Variants in CLSTN2 observed in about 807,000 individuals in gnomAD.
The protein encoded by CLSTN2 is calsyntenin-2.
CLSTN2 carries 48 observed loss-of-function variants against 101.2 expected under a neutral mutation model. The ratio of observed to expected loss-of-function variants is 0.47; its 90% CI spans 0.38 to 0.60. The LOEUF is 0.60. Ranked by LOEUF, CLSTN2 falls within the 20% of genes least tolerant of loss-of-function variation. The pLI is 0.00. For missense variants in CLSTN2, 1,160 were observed against 1,238.2 expected (o/e 0.94, Z 0.95); for synonymous variants, 481 against 463.6 (o/e 1.04, Z -0.48).
chr3:140,335,991 AC>A (rs1474947099), intron 2 of CLSTN2, among the ~76,000 whole-genome samples: 1 of 152,232 alleles, frequency 6.6e-6, no homozygotes, highest in African/African-American at 2.4e-5. Context: ...TAAACTAGAC[AC>A]CAGAAAATTG....
intron 1 of CLSTN2, among the ~76,000 whole-genome samples, chr3:140,102,376 C>T (rs932526915): frequency 2.6e-5 from 4 of 152,218 alleles, no homozygotes; most frequent in African/African-American, 9.6e-5. Flanking sequence ...TGTGCTCAGA[C>T]ATTATTTCAG....
intron 7 of CLSTN2, among the ~76,000 whole-genome samples, chr3:140,464,958 G>A (rs540977633): frequency 2.8e-4 from 42 of 152,310 alleles, no homozygotes; most frequent in Admixed American, 1.1e-3. Context: ...CTACTTCGTT[G>A]TGTTGCCCTG....
chr3:140,102,473 T>C (rs560352138), intron 1 of CLSTN2, among the ~76,000 whole-genome samples: 3 of 152,000 alleles, frequency 2.0e-5, no homozygotes, highest in South Asian at 2.1e-4. Flanking sequence ...GGCAGGGCGG[T>C]AGATCATGAG....
intron 1 of CLSTN2, among the ~76,000 whole-genome samples, chr3:140,135,405 T>C (rs1182665815): frequency 6.6e-6 from 1 of 152,016 alleles, no homozygotes. Flanking sequence ...CTTGTGATTA[T>C]CTCCAGCAGT....
chr3:140,411,842 A>C (rs1210586941), intron 4 of CLSTN2, among the ~76,000 whole-genome samples: 1 of 152,214 alleles, frequency 6.6e-6, no homozygotes, highest in Non-Finnish European at 1.5e-5. Flanking sequence ...ATACAACCAT[A>C]GTGTGAAAGT....
chr3:140,343,911 G>A (rs758866266), intron 2 of CLSTN2, among the ~76,000 whole-genome samples: 10 of 152,262 alleles, frequency 6.6e-5, no homozygotes, highest in African/African-American at 9.6e-5. Context: ...CGTCTTTACC[G>A]AGGAGCTGCT....
rs1023867638 is a variant in CLSTN2 at position 140,394,820 on chromosome 3, A to G, written c.233-8809A>G. Among the ~76,000 whole-genome samples the G allele has an allele frequency of 4.6e-5, 7 of 152,294 alleles. No homozygotes were observed. In the South Asian group the frequency reaches 1.5e-3, roughly 32 times the overall value. ...ACTACAGTGATTTTTGTAAATTGTT[A>G]TTATTATTCATTTTGTTCTTACTAT... On this transcript the variant is annotated intron_variant, in intron 2 of 16. Transcript: ENST00000458420.
chr3:140,032,877 G>C (rs1368445490), intron 1 of CLSTN2, among the ~76,000 whole-genome samples: 1 of 152,200 alleles, frequency 6.6e-6, no homozygotes, highest in African/African-American at 2.4e-5. Context: ...TTGTCTGTGA[G>C]AAATGAGTTG....
At chr3:140,232,687 C>T (rs989772614) in intron 2 of CLSTN2, among the ~76,000 whole-genome samples, 9 of 152,168 alleles carry the variant, frequency 5.9e-5, no homozygotes, top group Admixed American at 3.3e-4. Flanking sequence ...TATTACTTGT[C>T]CTCCAAACAT....
chr3:140,230,085 A>T (rs550282208), intron 2 of CLSTN2, among the ~76,000 whole-genome samples: 9 of 152,132 alleles, frequency 5.9e-5, no homozygotes, highest in Admixed American at 5.9e-4. Flanking sequence ...CCAGGGTAAG[A>T]CTTGTAAAGT....
chr3:140,535,826 G>A (rs1935348194), intron 9 of CLSTN2, among the ~76,000 whole-genome samples: 1 of 152,178 alleles, frequency 6.6e-6, no homozygotes. Flanking sequence ...CAATGCCTAT[G>A]CTCTTTTCAC....
chr3:140,079,925 A>G (rs1051082283), intron 1 of CLSTN2, among the ~76,000 whole-genome samples: 1 of 152,218 alleles, frequency 6.6e-6, no homozygotes, highest in Non-Finnish European at 1.5e-5. Context: ...TCCAGTGCAT[A>G]TAAGTTTATT....
chr3:140,408,383 C>T (rs2088328388), intron 4 of CLSTN2, among the ~76,000 whole-genome samples: 1 of 152,126 alleles, frequency 6.6e-6, no homozygotes. Flanking sequence ...GCGGGGCTAT[C>T]AGTATCAGCC....
In CLSTN2 at chr3:140,338,954, G is replaced by A. The variant is rs1441506555; in HGVS notation, c.233-64675G>A. ...CTAATGAGCTGGGGAGCACAGATGAGTATTCCCGCCGCCTGACACAGACCC... is the reference window on the plus strand; with the variant it reads ...CTAATGAGCTGGGGAGCACAGATGAATATTCCCGCCGCCTGACACAGACCC... On this transcript the variant is annotated intron_variant, in intron 2 of 16. Coordinates refer to ENST00000458420, the MANE Select transcript of CLSTN2 (RefSeq NM_022131.3). 7.2e-5 allele frequency among the ~76,000 whole-genome samples: 11 copies of A among 152,336 alleles called. No individual in the cohort carries two copies. The South Asian group carries it at 1.9e-3, about 26-fold the overall frequency.
intron 2 of CLSTN2, among the ~76,000 whole-genome samples, chr3:140,374,242 G>A (rs868770221): frequency 5.3e-5 from 8 of 152,206 alleles, no homozygotes; most frequent in African/African-American, 1.9e-4. Flanking sequence ...ACAGAAGCCA[G>A]GTTGATCAGT....
At chr3:140,357,569 C>T (rs370710677) in intron 2 of CLSTN2, among the ~76,000 whole-genome samples, 2 of 152,076 alleles carry the variant, frequency 1.3e-5, no homozygotes, top group Admixed American at 6.5e-5. Context: ...CTTTAGCACT[C>T]GCCCTGTTGA....
At chr3:140,483,525 C>G (rs1325912830) in intron 8 of CLSTN2, among the ~76,000 whole-genome samples, 3 of 152,150 alleles carry the variant, frequency 2.0e-5, no homozygotes, top group Non-Finnish European at 4.4e-5. Flanking sequence ...ATTGATCTGT[C>G]TAATGTTGAC....
intron 8 of CLSTN2, among the ~76,000 whole-genome samples, chr3:140,476,880 C>CA (rs1342110100): frequency 1.3e-5 from 2 of 152,032 alleles, no homozygotes; most frequent in Admixed American, 6.6e-5. Flanking sequence ...AGGATGGTCT[C>CA]GATCTCCTGA....
chr3:140,419,954 G>T (rs1256965006), intron 4 of CLSTN2, among the ~76,000 whole-genome samples: 2 of 146,602 alleles, frequency 1.4e-5, no homozygotes, highest in African/African-American at 5.1e-5. Flanking sequence ...GTACAGTGTT[G>T]CGATCTCTGC....
Sources: gnomAD v4.1 joint callset for allele counts (sites outside exome capture counted in the v4.1 genomes callset) on GRCh38, gnomAD v4.1.1 for gene constraint, MANE v1.5 for transcripts, NCBI Gene and HGNC (gene_info 2026-07-23, HGNC 2026-07-21) for gene names.